Variants in SFMBT1 observed in about 807,000 individuals in gnomAD.
The protein encoded by SFMBT1 is scm-like with four MBT domains protein 1.
Under a neutral mutation model 108.7 loss-of-function variants are expected in SFMBT1, and 32 were observed. The ratio of observed to expected loss-of-function variants is 0.29; its 90% CI spans 0.22 to 0.40. SFMBT1 has a LOEUF of 0.40. SFMBT1 is among the 10% of genes least tolerant of loss of function. The probability of loss-of-function intolerance (pLI) is 1.00; values close to 1 mark genes in which losing one functional copy is unlikely to be tolerated. For synonymous variants in SFMBT1, 348 were observed against 369.5 expected, an observed-to-expected ratio of 0.94 and a Z score of 0.67; for missense variants, 816 against 1,059.6, an observed-to-expected ratio of 0.77 and a Z score of 3.19.
chr3:53,006,047 C>CT (rs972615060), intron 1 of SFMBT1, among the ~76,000 whole-genome samples: 7 of 152,206 alleles, frequency 4.6e-5, no homozygotes, highest in Admixed American at 3.3e-4. Flanking sequence ...TTATTGGACT[C>CT]TGCCTTCAAG....
At chr3:52,949,142 G>A (rs1703482673) in intron 3 of SFMBT1, among the ~76,000 whole-genome samples, 1 of 151,932 alleles carries the variant, frequency 6.6e-6, no homozygotes, top group Admixed American at 6.6e-5. Context: ...TTCTGTTATT[G>A]ATTTCTAGTT....
Position 52,907,223 on chromosome 3 carries a change from T to A in SFMBT1, c.2177A>T (p.Gln726Leu). The A allele has an allele frequency of 6.2e-7, 1 of 1,614,128 alleles. No individual in the cohort carries two copies. The change falls in exon 19 of 21, where the codon CAG (glutamine) becomes CTG (leucine). Residue 726 changes from glutamine to leucine, a missense_variant. Around this residue, in one of 5 missense-constraint regions of SFMBT1, gnomAD observed 177 missense variants for 182.0 expected, o/e 0.97. Coordinates refer to ENST00000394752, the MANE Select transcript of SFMBT1 (RefSeq NM_016329.4). ...GSTSEQQDELQEESEMSEKKS... is the reference protein window; with the variant it reads ...GSTSEQQDELLEESEMSEKKS... ...TTTTTCTGACATTTCTGATTCTTCC[T>A]GTAGCTCATCCTGCTGCTCGGATGT...
intron 5 of SFMBT1, 118 bp downstream of exon 5, chr3:52,934,695 C>A: frequency 1.3e-6 from 1 of 792,878 alleles, no homozygotes. Context: ...ATACCTATGC[C>A]TATGTCTCTA....
At chr3:52,972,603 C>T (rs1475031634) in intron 1 of SFMBT1, among the ~76,000 whole-genome samples, 1 of 152,034 alleles carries the variant, frequency 6.6e-6, no homozygotes, top group Non-Finnish European at 1.5e-5. Context: ...GTGAACAGAA[C>T]ACACTAAGAG....
Position 52,916,161 on chromosome 3 carries a change from G to C in SFMBT1, c.1469C>G (p.Ser490Cys). Residue 490 changes from serine (S) to cysteine (C), a missense_variant, in exon 14 of 21, where the codon TCC (serine) becomes TGC (cysteine). This residue lies in a region of SFMBT1 where 495 missense variants were observed against 607.4 expected (regional missense o/e 0.81). Transcript: ENST00000394752. ...HEGLRNQELN[S>C]TESVMINGKY... ...ACATGTGCTTATACCTGACTCTGTG[G>C]AGTTCAGCTCCTGATTCCTCAGGCC... 6.2e-7 allele frequency: 1 copy of C among 1,613,908 alleles called. No individual in the cohort carries two copies. Among genetic ancestry groups the C allele is most frequent in the East Asian group, 2.2e-5 (1 of 44,864 alleles).
intron 1 of SFMBT1, among the ~76,000 whole-genome samples, chr3:53,015,809 C>A (rs1363848982): frequency 6.6e-6 from 1 of 152,042 alleles, no homozygotes; most frequent in African/African-American, 2.4e-5. Context: ...CTAATGGGTA[C>A]AAGGTTTTTT....
intron 1 of SFMBT1, among the ~76,000 whole-genome samples, chr3:53,009,832 T>C (rs953301441): frequency 4.6e-5 from 7 of 152,112 alleles, no homozygotes; most frequent in Non-Finnish European, 8.8e-5. Context: ...ATTAGAAAAA[T>C]TATAAGGAAG....
At chr3:53,021,054 G>A (rs1484293560) in intron 1 of SFMBT1, among the ~76,000 whole-genome samples, 3 of 152,062 alleles carry the variant, frequency 2.0e-5, no homozygotes, top group Non-Finnish European at 4.4e-5. Context: ...GTGAGACTCC[G>A]TCTCAAAAAA....
At chr3:52,975,967 T>C (rs1704504651) in intron 1 of SFMBT1, among the ~76,000 whole-genome samples, 6 of 151,846 alleles carry the variant, frequency 4.0e-5, no homozygotes, top group Admixed American at 3.3e-4. Flanking sequence ...CCCAAGATCA[T>C]GCCGCCGCAC....
chr3:53,017,342 T>C (rs2106937353), intron 1 of SFMBT1, among the ~76,000 whole-genome samples: 1 of 152,356 alleles, frequency 6.6e-6, no homozygotes, highest in Middle Eastern at 3.4e-3. Flanking sequence ...CCAGGTCCAC[T>C]AGTATAGTGA....
intron 3 of SFMBT1, among the ~76,000 whole-genome samples, chr3:52,949,535 G>T (rs1703494798): frequency 7.0e-6 from 1 of 142,696 alleles, no homozygotes; most frequent in Non-Finnish European, 1.5e-5. Flanking sequence ...TCTTCTTGAA[G>T]AACTGACCCC....
intron 2 of SFMBT1, among the ~76,000 whole-genome samples, chr3:52,957,651 T>C (rs1019688718): frequency 1.1e-4 from 17 of 152,138 alleles, no homozygotes; most frequent in African/African-American, 3.6e-4. Context: ...AGAAATAAGA[T>C]TGCACATCTA....
intron 1 of SFMBT1, among the ~76,000 whole-genome samples, chr3:52,971,741 G>A (rs1314672735): frequency 6.6e-6 from 1 of 152,124 alleles, no homozygotes; most frequent in African/African-American, 2.4e-5. Context: ...TATAAAGGCA[G>A]GTCTAACCTA....
At chr3:52,936,622 T>C (rs1192951784) in intron 4 of SFMBT1, among the ~76,000 whole-genome samples, 1 of 152,152 alleles carries the variant, frequency 6.6e-6, no homozygotes, top group East Asian at 1.9e-4. Context: ...ATCTAGGAAA[T>C]TGCCTGACCT....
intron 1 of SFMBT1, among the ~76,000 whole-genome samples, chr3:53,009,173 A>G (rs1157263882): frequency 6.6e-6 from 1 of 151,932 alleles, no homozygotes; most frequent in Admixed American, 6.6e-5. Flanking sequence ...TTGGCTGGGC[A>G]CGGTGGCTTA....
chr3:52,905,285 G>T lies in SFMBT1; in HGVS notation c.2461-9C>A, dbSNP rs1369774553. 6.2e-7 allele frequency: 1 copy of T among 1,610,900 alleles called. No individual in the cohort carries two copies. The highest frequency in any genetic ancestry group is 1.3e-5 in the African/African-American group (1 of 74,744). On this transcript the variant is annotated splice_polypyrimidine_tract_variant and intron_variant, in intron 20 of 20. Coordinates refer to ENST00000394752, the MANE Select transcript of SFMBT1 (RefSeq NM_016329.4). ...GCCTGCCCATCAATTTCCTGTTAAAGCATAAAAGACAAATTATCTGTGATG... is the reference window on the plus strand; with the variant it reads ...GCCTGCCCATCAATTTCCTGTTAAATCATAAAAGACAAATTATCTGTGATG...
chr3:52,995,710 C>CT (rs1437172696), intron 1 of SFMBT1, among the ~76,000 whole-genome samples: 1 of 149,950 alleles, frequency 6.7e-6, no homozygotes. Context: ...TGGCAAATAA[C>CT]TTTAAAACAT....
At chr3:52,996,033 T>G (rs1484966158) in intron 1 of SFMBT1, among the ~76,000 whole-genome samples, 1 of 146,788 alleles carries the variant, frequency 6.8e-6, no homozygotes, top group African/African-American at 2.5e-5. Flanking sequence ...ATCACACCAC[T>G]ACACTCTAGC....
intron 3 of SFMBT1, among the ~76,000 whole-genome samples, chr3:52,945,793 A>G (rs1703346873): frequency 6.6e-6 from 1 of 150,400 alleles, no homozygotes; most frequent in Non-Finnish European, 1.5e-5. Flanking sequence ...CCTGGGCAAC[A>G]GAGCGAGACT....
Sources: gnomAD v4.1 joint callset for allele counts (sites outside exome capture counted in the v4.1 genomes callset) on GRCh38, gnomAD v4.1.1 for gene constraint, gnomAD v4.1.1 regional missense constraint, MANE v1.5 for transcripts, NCBI Gene and HGNC (gene_info 2026-07-23, HGNC 2026-07-21) for gene names.